Variants in NELL1 observed in about 807,000 individuals in gnomAD.
The protein encoded by NELL1 is protein kinase C-binding protein NELL1.
NELL1 carries 76 observed loss-of-function variants against 107.4 expected under a neutral mutation model. The ratio of observed to expected loss-of-function variants is 0.71; its 90% CI spans 0.59 to 0.86. NELL1 has a LOEUF of 0.86. Among genes scored for constraint, NELL1 ranks in the 40% least tolerant of loss-of-function variants. NELL1 has a pLI of 0.00. For missense variants in NELL1, 1,024 were observed against 1,005.5 expected, an observed-to-expected ratio of 1.02 and a Z score of -0.25; for synonymous variants, 353 against 341.2, an observed-to-expected ratio of 1.03 and a Z score of -0.38.
intron 12 of NELL1, among the ~76,000 whole-genome samples, chr11:21,011,345 A>C (rs1378762722): frequency 1.3e-5 from 2 of 152,112 alleles, no homozygotes; most frequent in African/African-American, 4.8e-5. Context: ...GGGGTGCAAA[A>C]TATTTATTAG....
chr11:21,080,729 A>T (rs964007377), intron 12 of NELL1, among the ~76,000 whole-genome samples: 1 of 152,122 alleles, frequency 6.6e-6, no homozygotes, highest in Non-Finnish European at 1.5e-5. Flanking sequence ...TGTCAAAGGT[A>T]TGTACATTTT....
At chr11:21,350,233 T>C (rs1850775470) in intron 14 of NELL1, among the ~76,000 whole-genome samples, 1 of 152,160 alleles carries the variant, frequency 6.6e-6, no homozygotes, top group Non-Finnish European at 1.5e-5. Flanking sequence ...GGTATAACTA[T>C]TGGATATGGT....
At chr11:21,472,673 A>G (rs1486254139) in intron 15 of NELL1, among the ~76,000 whole-genome samples, 1 of 151,890 alleles carries the variant, frequency 6.6e-6, no homozygotes. Context: ...AAAACTACAT[A>G]CTTATTTTTT....
chr11:21,468,440 G>C (rs1027410410), intron 15 of NELL1, among the ~76,000 whole-genome samples: 8 of 151,066 alleles, frequency 5.3e-5, no homozygotes, highest in Admixed American at 2.6e-4. Context: ...GTATTATTTT[G>C]AGCCAATAAG....
At chr11:20,953,605 C>T (rs1263117883) in intron 11 of NELL1, among the ~76,000 whole-genome samples, 1 of 152,160 alleles carries the variant, frequency 6.6e-6, no homozygotes, top group Admixed American at 6.5e-5. Context: ...GAGCTCGATA[C>T]AGGACCACCA....
At chr11:21,252,830 C>G (rs1038581812) in intron 14 of NELL1, among the ~76,000 whole-genome samples, 2 of 152,140 alleles carry the variant, frequency 1.3e-5, no homozygotes, top group South Asian at 4.1e-4. Context: ...ATTCTAATCT[C>G]TTCGAAGGCA....
chr11:20,708,145 C>A (rs1855019149), intron 2 of NELL1, among the ~76,000 whole-genome samples: 1 of 152,232 alleles, frequency 6.6e-6, no homozygotes, highest in Non-Finnish European at 1.5e-5. Context: ...CTCTCTGAAC[C>A]AGGCACAGGA....
In NELL1 at chr11:20,957,726, G is replaced by A. The variant is rs566813765; in HGVS notation, c.1172-2706G>A. 3.9e-3 allele frequency among the ~76,000 whole-genome samples: 600 copies of A among 151,978 alleles called. 1 individual carries two copies. Among genetic ancestry groups the A allele is most frequent in the Non-Finnish European group, 5.8e-3 (393 of 67,950 alleles). ...AAGCAGACTGAAAAAGAATCAAATA[G>A]GATTCTAAAAATAAAAATACAGTAA... On this transcript the variant is annotated intron_variant, in intron 11 of 19. Transcript: ENST00000357134.
chr11:21,322,195 T>C (rs1479125126), intron 14 of NELL1, among the ~76,000 whole-genome samples: 2 of 152,186 alleles, frequency 1.3e-5, no homozygotes, highest in Non-Finnish European at 2.9e-5. Flanking sequence ...TCTGACTTTA[T>C]AGTGTAATGC....
At chr11:21,222,181 T>G (rs2133873944) in intron 13 of NELL1, among the ~76,000 whole-genome samples, 1 of 151,680 alleles carries the variant, frequency 6.6e-6, no homozygotes, top group East Asian at 1.9e-4. Flanking sequence ...TTTGTTTGTT[T>G]TGTTTTTGTT....
chr11:21,145,742 G>A (rs547242508), intron 13 of NELL1, among the ~76,000 whole-genome samples: 30 of 152,298 alleles, frequency 2.0e-4, no homozygotes, highest in African/African-American at 6.3e-4. Flanking sequence ...CCTGCCCTCT[G>A]TTAACTTAGT....
chr11:20,888,599 T>C (rs1256188356), intron 5 of NELL1, among the ~76,000 whole-genome samples: 1 of 152,144 alleles, frequency 6.6e-6, no homozygotes, highest in Non-Finnish European at 1.5e-5. Flanking sequence ...ACATTAATTC[T>C]CATTACTGAA....
intron 14 of NELL1, among the ~76,000 whole-genome samples, chr11:21,362,612 T>C (rs1475346394): frequency 6.6e-6 from 1 of 152,186 alleles, no homozygotes; most frequent in Non-Finnish European, 1.5e-5. Context: ...ATGGAGTTGG[T>C]TGGCCTCCAG....
chr11:21,067,892 G>T (rs914763896), intron 12 of NELL1, among the ~76,000 whole-genome samples: 1 of 151,636 alleles, frequency 6.6e-6, no homozygotes, highest in East Asian at 1.9e-4. Flanking sequence ...AATTAGCCGG[G>T]TGTGGTGGCA....
At chr11:21,260,777 A>G (rs1288747734) in intron 14 of NELL1, 1 of 151,786 alleles carries the variant, frequency 6.6e-6, no homozygotes, top group Non-Finnish European at 1.5e-5. Flanking sequence ...TTTAACTTAT[A>G]CTCATATTGG....
At chr11:21,356,479 T>A (rs1377393978) in intron 14 of NELL1, among the ~76,000 whole-genome samples, 1 of 152,130 alleles carries the variant, frequency 6.6e-6, no homozygotes, top group Non-Finnish European at 1.5e-5. Flanking sequence ...AGTTGTGACA[T>A]CCAACTGGGA....
intron 12 of NELL1, among the ~76,000 whole-genome samples, chr11:21,087,593 C>A (rs940382807): frequency 6.6e-6 from 1 of 151,976 alleles, no homozygotes; most frequent in Admixed American, 6.6e-5. Context: ...ACCTGATGTC[C>A]TGGGAAGTTG....
chr11:21,493,564 A>G (rs1252586968), intron 15 of NELL1, among the ~76,000 whole-genome samples: 1 of 152,040 alleles, frequency 6.6e-6, no homozygotes, highest in Non-Finnish European at 1.5e-5. Flanking sequence ...GATAGAGTAT[A>G]GAATGATAGA....
intron 16 of NELL1, among the ~76,000 whole-genome samples, chr11:21,559,003 T>C (rs1856788797): frequency 6.6e-6 from 1 of 152,096 alleles, no homozygotes; most frequent in African/African-American, 2.4e-5. Flanking sequence ...GCATCATAAT[T>C]TGGGATCTTT....
Sources: allele counts gnomAD v4.1 joint callset (sites outside exome capture counted in the v4.1 genomes callset), GRCh38; gene constraint gnomAD v4.1.1; transcripts MANE v1.5; gene names NCBI Gene and HGNC (gene_info 2026-07-23, HGNC 2026-07-21).